VPS13C: variants seen among roughly 807,000 people sequenced by gnomAD.
The protein encoded by VPS13C is vacuolar protein sorting 13 homolog C.
In VPS13C, 358 loss-of-function variants were observed where a neutral mutation model predicts 456.8. That is an observed-to-expected ratio of 0.78 (90% CI 0.72 to 0.86). The LOEUF is 0.86. Ranked by LOEUF, VPS13C falls within the 40% of genes least tolerant of loss-of-function variation. The probability of loss-of-function intolerance (pLI) is 0.00; values close to 1 mark genes in which losing one functional copy is unlikely to be tolerated. For synonymous variants in VPS13C, 1,578 were observed against 1,486.7 expected (o/e 1.06, Z -1.41); for missense variants, 4,818 against 4,385.4 (o/e 1.10, Z -2.79).
chr15:62,015,172 C>G (rs1484141936), intron 9 of VPS13C, among the ~76,000 whole-genome samples: 8 of 152,312 alleles, frequency 5.3e-5, no homozygotes, highest in Non-Finnish European at 1.0e-4. Context: ...GAACAATTCT[C>G]TCTCTATCCT....
intron 79 of VPS13C, among the ~76,000 whole-genome samples, chr15:61,871,565 A>G (rs893849213): frequency 3.8e-5 from 4 of 106,612 alleles, no homozygotes; most frequent in African/African-American, 1.3e-4. Flanking sequence ...GTTCTTTTTC[A>G]AGACTTTTTT....
intron 1 of VPS13C, among the ~76,000 whole-genome samples, chr15:62,049,658 TG>T (rs1487297869): frequency 1.3e-5 from 2 of 152,206 alleles, no homozygotes; most frequent in Admixed American, 6.5e-5. Flanking sequence ...GGTAGCTTGA[TG>T]GGGATGGCAT....
intron 16 of VPS13C, among the ~76,000 whole-genome samples, chr15:61,996,924 A>G (rs2140441169): frequency 6.6e-6 from 1 of 150,710 alleles, no homozygotes; most frequent in African/African-American, 2.4e-5. Flanking sequence ...ATACACACAT[A>G]TATCTTATAT....
intron 65 of VPS13C, among the ~76,000 whole-genome samples, chr15:61,908,540 C>T (rs1296138007): frequency 6.6e-6 from 1 of 152,014 alleles, no homozygotes; most frequent in Admixed American, 6.5e-5. Flanking sequence ...TCTCATTTAA[C>T]CTTCTACTAT....
At chr15:61,873,826 A>G (rs1417572606) in intron 77 of VPS13C, among the ~76,000 whole-genome samples, 1 of 152,054 alleles carries the variant, frequency 6.6e-6, no homozygotes, top group Non-Finnish European at 1.5e-5. Flanking sequence ...CTGGGTATAT[A>G]CCCAAAAGAA....
rs1330395225 is a variant in VPS13C at position 61,919,385 on chromosome 15, A to G, written c.7542T>C (p.Asn2514=). ...AATGACTGGCATTGGGATTCCGTACATTATACAATCGCCGTCCAGGTCTGG... is the reference window on the plus strand; with the variant it reads ...AATGACTGGCATTGGGATTCCGTACGTTATACAATCGCCGTCCAGGTCTGG... The part of the protein sequence containing the change: ...PVARPGRRLY[N]VRNPNASHSD... The change falls in exon 58 of 85, where the codon AAT becomes AAC. Residue 2514 remains asparagine (N), a synonymous_variant. Transcript: ENST00000644861. 2.5e-6 allele frequency: 4 copies of G among 1,603,732 alleles called. No individual in the cohort carries two copies. Among genetic ancestry groups the G allele is most frequent in the Middle Eastern group, 1.6e-4 (1 of 6,072 alleles).
chr15:61,917,258 G>T, intron 60 of VPS13C, 83 bp downstream of exon 60: 2 of 1,402,766 alleles, frequency 1.4e-6, no homozygotes, highest in African/African-American at 1.4e-5. Context: ...ATAAAACACT[G>T]ACCTCACTTA....
intron 7 of VPS13C, 30 bp from the exon 8 acceptor site, chr15:62,023,550 A>G: frequency 6.7e-7 from 1 of 1,497,958 alleles, no homozygotes; most frequent in Non-Finnish European, 9.0e-7. Context: ...TACAAGCTCA[A>G]GAGTTGAAAT....
chr15:62,056,587 G>C (rs995031701), intron 1 of VPS13C, among the ~76,000 whole-genome samples: 4 of 152,100 alleles, frequency 2.6e-5, no homozygotes, highest in Admixed American at 2.6e-4. Context: ...CCCTTTCCCC[G>C]GGGGAGTTTA....
At position 61,985,013 on chromosome 15, in the gene VPS13C, A is replaced by G; in HGVS notation, c.1579-14T>C. On this transcript the variant is annotated splice_polypyrimidine_tract_variant and intron_variant, in intron 18 of 84. Coordinates refer to ENST00000644861, the MANE Select transcript of VPS13C (RefSeq NM_020821.3). ...ATGGGCAACATACTATACAGAAAGA[A>G]TGAAATTAAAATTGTTAAAGTTTAA... 2 of 1,397,662 alleles carry G rather than the reference A, an allele frequency of 1.4e-6. No individual in the cohort carries two copies. The highest frequency in any genetic ancestry group is 9.4e-7 in the Non-Finnish European group (1 of 1,063,782). 86.6% of individuals were successfully genotyped at this position (1,397,662 alleles called of 1,614,324 possible).
At chr15:62,007,807 T>C (rs1428238829) in intron 14 of VPS13C, among the ~76,000 whole-genome samples, 3 of 152,134 alleles carry the variant, frequency 2.0e-5, no homozygotes, top group Non-Finnish European at 2.9e-5. Context: ...ATGTCTTGAA[T>C]GTTAAGTTAA....
rs1567062597 is a variant in VPS13C, at chr15:61,973,628, G to A, written c.2539-96C>T. 3 of 881,840 alleles carry A rather than the reference G, an allele frequency of 3.4e-6. No individual in the cohort carries two copies. The East Asian group carries it at 7.4e-5, about 22-fold the overall frequency. The allele number at this position is 881,840 out of a possible 1,614,324, so 54.6% of individuals were successfully genotyped here. A position where few individuals can be genotyped will look rare whatever the true frequency, so the allele number is the denominator to read the frequency against. On this transcript the variant is annotated intron_variant, in intron 25 of 84. Coordinates refer to ENST00000644861, the MANE Select transcript of VPS13C (RefSeq NM_020821.3). ...AGACTAAAAAGTAATAGAGGATAAA[G>A]AGATATGGAAAGACACATACACACA...
chr15:61,998,944 TTTC>T (rs1205446034), intron 16 of VPS13C, among the ~76,000 whole-genome samples: 1 of 152,238 alleles, frequency 6.6e-6, no homozygotes, highest in Non-Finnish European at 1.5e-5. Context: ...TTAATAACAT[TTTC>T]TTTTCTCTGG....
chr15:61,868,772 C>T lies in VPS13C; in HGVS notation c.10750G>A (p.Ala3584Thr). ...GATACTTCCTCAGTTGATTCTGCTG[C>T]CCTGAATAAGGCATCAGAGTAAGTG... is the stretch of plus-strand genomic sequence containing the variant. ...ASSTFQGIQR[A>T]AESTEEVSSL... The change falls in exon 81 of 85, where the codon GCA becomes ACA. Residue 3584 changes from alanine (A) to threonine (T), a missense_variant and splice_region_variant. Ala to Thr is a moderately conservative substitution (Grantham distance 58, BLOSUM62 0). Around this residue, in one of 3 missense-constraint regions of VPS13C, gnomAD observed 261 missense variants for 234.1 expected, o/e 1.11. Coordinates refer to ENST00000644861, the MANE Select transcript of VPS13C (RefSeq NM_020821.3). 1 of 1,612,740 alleles carries T rather than the reference C, an allele frequency of 6.2e-7. No homozygotes were observed. Among genetic ancestry groups the T allele is most frequent in the Non-Finnish European group, 8.5e-7 (1 of 1,179,468 alleles).
chr15:61,952,893 CT>C (rs1025500218), intron 38 of VPS13C, among the ~76,000 whole-genome samples: 50 of 144,534 alleles, frequency 3.5e-4, no homozygotes, highest in East Asian at 1.6e-3. Flanking sequence ...AAAAAAAAAT[CT>C]TTTTTTTTTT....
intron 16 of VPS13C, among the ~76,000 whole-genome samples, chr15:61,999,310 G>A (rs1275078833): frequency 6.6e-6 from 1 of 151,674 alleles, no homozygotes; most frequent in African/African-American, 2.4e-5. Flanking sequence ...AACCTGGGAG[G>A]TAGAGGTTGC....
chr15:62,016,011 G>C (rs958796071), intron 9 of VPS13C, among the ~76,000 whole-genome samples: 4 of 127,868 alleles, frequency 3.1e-5, no homozygotes, highest in Non-Finnish European at 6.6e-5. Context: ...CCTTTCCTTT[G>C]TTTCTTCAGC....
chr15:61,963,837 T>C lies in VPS13C; in HGVS notation c.3329A>G (p.Gln1110Arg), dbSNP rs1397099689. Residue 1110 changes from glutamine (Q) to arginine (R), a missense_variant and splice_region_variant, in exon 32 of 85, where the codon CAA becomes CGA. By Grantham distance (43) the Gln-to-Arg change is conservative. Around this residue, in one of 3 missense-constraint regions of VPS13C, gnomAD observed 4,552 missense variants for 4,130.6 expected, o/e 1.10. Transcript: ENST00000644861. ...EKNNIAEIKI[Q>R]GLDSSLSLQS... ...TTCAATGCCGTGTGAACTTTTACCT[T>C]GAATCTTGATTTCGGCGATATTGTT... is the stretch of plus-strand genomic sequence containing the variant. 6 of 1,605,682 alleles carry C rather than the reference T, an allele frequency of 3.7e-6. No individual in the cohort carries two copies. In the South Asian group the frequency reaches 5.6e-5, roughly 15 times the overall value.
intron 66 of VPS13C, chr15:61,906,691 T>C (rs759946391): frequency 1.3e-5 from 2 of 154,968 alleles, no homozygotes; most frequent in Non-Finnish European, 2.9e-5. Context: ...GATGATATAT[T>C]ACTAATGCAG....
Sources: gnomAD v4.1 joint callset for allele counts (sites outside exome capture counted in the v4.1 genomes callset) on GRCh38, gnomAD v4.1.1 for gene constraint, gnomAD v4.1.1 regional missense constraint, MANE v1.5 for transcripts, NCBI Gene and HGNC (gene_info 2026-07-23, HGNC 2026-07-21) for gene names.